TMEM181: variants seen among roughly 807,000 people sequenced by gnomAD.
The protein encoded by TMEM181 is transmembrane protein 181.
TMEM181 carries 39 observed loss-of-function variants against 71.9 expected under a neutral mutation model. The ratio of observed to expected loss-of-function variants is 0.54; its 90% CI spans 0.42 to 0.71. The LOEUF is 0.71. Ranked by LOEUF, TMEM181 falls within the 30% of genes least tolerant of loss-of-function variation. The pLI is 0.00. For synonymous variants in TMEM181, 245 were observed against 228.8 expected (o/e 1.07, Z -0.64); for missense variants, 595 against 583.0 (o/e 1.02, Z -0.21).
chr6:158,593,161 CAG>C (rs776176668), intron 6 of TMEM181, among the ~76,000 whole-genome samples: 1 of 152,164 alleles, frequency 6.6e-6, no homozygotes, highest in Non-Finnish European at 1.5e-5. Flanking sequence ...ACCTATTCCT[CAG>C]AGTAAGAAGT....
rs563774825 is a variant in TMEM181 at position 158,588,996 on chromosome 6, G to A, written c.382-676G>A. ...CTGGTGGGTGCACCTCTGTATCCCT[G>A]CATGAGGGTTTGTCCTCCCTGCCAC... On this transcript the variant is annotated intron_variant, in intron 5 of 16. Coordinates refer to ENST00000684151, the MANE Select transcript of TMEM181 (RefSeq NM_001376852.1). Among the ~76,000 whole-genome samples, 5 of 152,298 alleles carry A rather than the reference G, an allele frequency of 3.3e-5. No individual in the cohort carries two copies. In the South Asian group the frequency reaches 6.2e-4, roughly 19 times the overall value.
intron 6 of TMEM181, 68 bp downstream of exon 6, chr6:158,589,850 T>C: frequency 8.9e-7 from 1 of 1,119,632 alleles, no homozygotes; most frequent in Non-Finnish European, 1.4e-6. Flanking sequence ...GTTCAATGAT[T>C]GAAATACATC....
chr6:158,625,334 C>A, intron 12 of TMEM181, 128 bp downstream of exon 12: 3 of 807,694 alleles, frequency 3.7e-6, no homozygotes, highest in Non-Finnish European at 4.1e-6. Flanking sequence ...TTCCCACAGG[C>A]TGGGGACCAG....
In TMEM181 at chr6:158,545,716, C is replaced by T. The variant is rs548393788; in HGVS notation, c.131+8851C>T. Among the ~76,000 whole-genome samples the T allele has an allele frequency of 2.2e-4, 34 of 151,652 alleles. 1 individual carries two copies. In the South Asian group the frequency reaches 2.3e-3, roughly 10 times the overall value. ...GTTTTTTAGAGATGGGGTCTCACTA[C>T]GTTGCCCAGGTTGGAGTGCAGTGGC... is the stretch of plus-strand genomic sequence containing the variant. On this transcript the variant is annotated intron_variant, in intron 1 of 16. Transcript: ENST00000367090.
intron 1 of TMEM181, among the ~76,000 whole-genome samples, chr6:158,553,780 T>C (rs543518659): frequency 6.6e-6 from 1 of 152,368 alleles, no homozygotes; most frequent in African/African-American, 2.4e-5. Context: ...TAAAACGCAT[T>C]CGGGTTAATT....
At chr6:158,626,026 A>C (rs554728923) in intron 13 of TMEM181, among the ~76,000 whole-genome samples, 1 of 152,186 alleles carries the variant, frequency 6.6e-6, no homozygotes, top group South Asian at 2.1e-4. Context: ...GCCACCTGCT[A>C]TGTGTGCAGC....
At chr6:158,602,733 T>C (rs1476077450) in intron 6 of TMEM181, among the ~76,000 whole-genome samples, 1 of 152,012 alleles carries the variant, frequency 6.6e-6, no homozygotes, top group Non-Finnish European at 1.5e-5. Context: ...CACGCCACCA[T>C]GCTGGCTAAT....
chr6:158,629,802 C>T lies in TMEM181; in HGVS notation c.1265C>T (p.Ser422Leu), dbSNP rs780303812. 18 of 1,613,812 alleles carry T rather than the reference C, an allele frequency of 1.1e-5. No individual in the cohort carries two copies. The highest frequency in any genetic ancestry group is 2.2e-5 in the East Asian group (1 of 44,888). Residue 422 changes from serine to leucine, a missense_variant, in exon 15 of 17, where the codon TCG (serine) becomes TTG (leucine). Transcript: ENST00000684151. ...ACCTTGGCCTTTGTATATTCTCCAT[C>T]GAAGAATGCCCTCTATGGTAAGCCA... ...LYTLAFVYSP[S>L]KNALYESQLK...
intron 1 of TMEM181, among the ~76,000 whole-genome samples, chr6:158,565,232 T>C (rs372323906): frequency 6.6e-6 from 1 of 152,224 alleles, no homozygotes. Flanking sequence ...GCTGAGTGCT[T>C]GCGGACTGCT....
At chr6:158,551,126 A>AT (rs1221946859) in intron 1 of TMEM181, among the ~76,000 whole-genome samples, 88 of 151,952 alleles carry the variant, frequency 5.8e-4, no homozygotes, top group Middle Eastern at 3.4e-3. Context: ...CATCCAGCTA[A>AT]TTTTTTTGTG....
At position 158,632,191 on chromosome 6, in the gene TMEM181, G is replaced by T. The variant is rs1375632052; in HGVS notation, c.*303G>T. ...GGAAATTTCACGTTTTTAGTACAGT[G>T]AATTATGTACTTTTTTTTCCTGTAA... On this transcript the variant is annotated 3_prime_UTR_variant, in exon 17 of 17. Coordinates refer to ENST00000684151, the MANE Select transcript of TMEM181 (RefSeq NM_001376852.1). 7 of 359,102 alleles carry T rather than the reference G, an allele frequency of 1.9e-5. No individual in the cohort carries two copies. The highest frequency in any genetic ancestry group is 8.4e-5 in the Admixed American group (2 of 23,830). 22.2% of individuals were successfully genotyped at this position (359,102 alleles called of 1,614,324 possible). A position where few individuals can be genotyped will look rare whatever the true frequency, so the allele number is the denominator to read the frequency against.
At chr6:158,626,480 G>A (rs758053540) in intron 13 of TMEM181, 1 of 456,636 alleles carries the variant, frequency 2.2e-6, no homozygotes, top group South Asian at 1.5e-5. Flanking sequence ...CTTTATGAGT[G>A]ACAAGGGGCC....
At chr6:158,543,837 A>T (rs1781435245) in intron 1 of TMEM181, among the ~76,000 whole-genome samples, 1 of 152,228 alleles carries the variant, frequency 6.6e-6, no homozygotes, top group African/African-American at 2.4e-5. Flanking sequence ...AAGCCACACC[A>T]TAACAGGCTT....
chr6:158,544,294 T>G (rs1319967395), intron 1 of TMEM181, among the ~76,000 whole-genome samples: 3 of 150,584 alleles, frequency 2.0e-5, no homozygotes, highest in South Asian at 4.2e-4. Context: ...GGGTCAGAGA[T>G]ATGGTGCTCA....
At chr6:158,539,666 A>G (rs1168004425) in intron 1 of TMEM181, among the ~76,000 whole-genome samples, 1 of 152,230 alleles carries the variant, frequency 6.6e-6, no homozygotes, top group Non-Finnish European at 1.5e-5. Flanking sequence ...TTTGCTACAT[A>G]ATTTGGCATC....
intron 3 of TMEM181, among the ~76,000 whole-genome samples, chr6:158,582,410 G>A (rs1034637852): frequency 1.4e-4 from 21 of 152,254 alleles, no homozygotes; most frequent in Middle Eastern, 3.4e-3. Context: ...TAGTCCTAGG[G>A]AGTTTTATTG....
intron 1 of TMEM181, among the ~76,000 whole-genome samples, chr6:158,571,109 T>G (rs1455637439): frequency 6.6e-6 from 1 of 151,838 alleles, no homozygotes; most frequent in African/African-American, 2.4e-5. Flanking sequence ...ATTAATTAAT[T>G]TTTTTGAGAT....
At chr6:158,585,773 T>C (rs1481260754) in intron 5 of TMEM181, among the ~76,000 whole-genome samples, 1 of 152,208 alleles carries the variant, frequency 6.6e-6, no homozygotes, top group East Asian at 1.9e-4. Flanking sequence ...ATGAATGTTA[T>C]GGGCTGCCTC....
chr6:158,571,476 T>A (rs1782836722), intron 1 of TMEM181, among the ~76,000 whole-genome samples: 2 of 137,172 alleles, frequency 1.5e-5, no homozygotes, highest in South Asian at 2.3e-4. Flanking sequence ...ATTTTTGTAT[T>A]TTTAGTAGAG....
Sources: gnomAD v4.1 joint callset for allele counts (sites outside exome capture counted in the v4.1 genomes callset) on GRCh38, gnomAD v4.1.1 for gene constraint, MANE v1.5 for transcripts, NCBI Gene and HGNC (gene_info 2026-07-23, HGNC 2026-07-21) for gene names.